Variants in CHDH observed in about 807,000 individuals in gnomAD.
CHDH encodes choline dehydrogenase, also known as choline dehydrogenase, mitochondrial.
CHDH carries 43 observed loss-of-function variants against 56.9 expected under a neutral mutation model. The observed-to-expected ratio is 0.76, with a 90% CI of 0.59 to 0.97. The LOEUF is 0.97. Ranked by LOEUF, CHDH falls within the 50% of genes least tolerant of loss-of-function variation. CHDH has a pLI of 0.00. For synonymous variants in CHDH, 364 were observed against 348.5 expected (o/e 1.04, Z -0.50); for missense variants, 816 against 821.1 (o/e 0.99, Z 0.08).
intron 2 of CHDH, among the ~76,000 whole-genome samples, chr3:53,835,457 T>C (rs984853321): frequency 6.6e-6 from 1 of 152,208 alleles, no homozygotes; most frequent in Non-Finnish European, 1.5e-5. Flanking sequence ...GCCAGGCTGA[T>C]GATGACAGTC....
intron 2 of CHDH, among the ~76,000 whole-genome samples, chr3:53,834,264 T>C (rs1029098605): frequency 5.9e-5 from 9 of 152,120 alleles, no homozygotes; most frequent in African/African-American, 1.9e-4. Context: ...CTGGCCAACA[T>C]GGTGAACCCT....
intron 2 of CHDH, among the ~76,000 whole-genome samples, chr3:53,837,348 C>T (rs1432189367): frequency 6.6e-6 from 1 of 152,246 alleles, no homozygotes; most frequent in Non-Finnish European, 1.5e-5. Context: ...TACCACTTGG[C>T]CCCTTGTGCC....
intron 2 of CHDH, among the ~76,000 whole-genome samples, chr3:53,837,420 G>A (rs916294474): frequency 6.6e-6 from 1 of 152,190 alleles, no homozygotes; most frequent in East Asian, 1.9e-4. Flanking sequence ...GGGCAGATGG[G>A]ACTGGGCTGA....
At chr3:53,826,487 G>A (rs2095639297) in intron 2 of CHDH, among the ~76,000 whole-genome samples, 1 of 152,162 alleles carries the variant, frequency 6.6e-6, no homozygotes, top group Non-Finnish European at 1.5e-5. Flanking sequence ...ATAATCAACA[G>A]GCTGAAAAAG....
chr3:53,846,402 C>G lies in CHDH; in HGVS notation c.-450G>C, dbSNP rs534104933. 2.4e-3 allele frequency: 1,388 copies of G among 567,412 alleles called. 17 individuals carry two copies. The highest frequency in any genetic ancestry group is 0.024 in the African/African-American group (1,205 of 49,696). 35.1% of individuals were successfully genotyped at this position (567,412 alleles called of 1,614,324 possible). A position where few individuals can be genotyped will look rare whatever the true frequency, so the allele number is the denominator to read the frequency against. On this transcript the variant is annotated 5_prime_UTR_variant, in exon 1 of 9. Coordinates refer to ENST00000315251, the MANE Select transcript of CHDH (RefSeq NM_018397.5). ...AGCGCTCGGACACGGCCCATCCCTC[C>G]GAGCCCCAGCAGGCGAGGGCGCTGC...
At chr3:53,833,054 T>C (rs191175799) in intron 2 of CHDH, among the ~76,000 whole-genome samples, 1 of 152,202 alleles carries the variant, frequency 6.6e-6, no homozygotes, top group Admixed American at 6.5e-5. Flanking sequence ...CTGGGGGTTT[T>C]CATTTGCACC....
intron 2 of CHDH, among the ~76,000 whole-genome samples, chr3:53,834,879 G>A (rs1348312437): frequency 4.6e-5 from 7 of 152,156 alleles, no homozygotes; most frequent in Non-Finnish European, 4.4e-5. Flanking sequence ...CACCCAAGAG[G>A]AGAAGACAGA....
intron 1 of CHDH, among the ~76,000 whole-genome samples, chr3:53,845,646 T>C (rs1362703144): frequency 6.6e-6 from 1 of 152,128 alleles, no homozygotes; most frequent in African/African-American, 2.4e-5. Context: ...GCTCGTTAAA[T>C]GCAGATCCCG....
intron 2 of CHDH, among the ~76,000 whole-genome samples, chr3:53,829,051 A>G (rs1698249571): frequency 6.6e-6 from 1 of 152,222 alleles, no homozygotes; most frequent in Non-Finnish European, 1.5e-5. Flanking sequence ...CTGACAATGG[A>G]ATATCATTTA....
At chr3:53,822,105 C>G (rs1262001371) in intron 4 of CHDH, among the ~76,000 whole-genome samples, 1 of 152,120 alleles carries the variant, frequency 6.6e-6, no homozygotes, top group Non-Finnish European at 1.5e-5. Flanking sequence ...AGCTGCAAAA[C>G]AATCAGACCC....
At chr3:53,841,398 C>T (rs1037774182) in intron 1 of CHDH, among the ~76,000 whole-genome samples, 3 of 152,160 alleles carry the variant, frequency 2.0e-5, no homozygotes, top group African/African-American at 4.8e-5. Context: ...TGATTTTCTG[C>T]GCTCATTGGC....
At chr3:53,832,435 G>A (rs1044412051) in intron 2 of CHDH, among the ~76,000 whole-genome samples, 1 of 152,176 alleles carries the variant, frequency 6.6e-6, no homozygotes, top group Non-Finnish European at 1.5e-5. Context: ...GGGAGGCTGA[G>A]GCAGGAGAAT....
Position 53,823,777 on chromosome 3 carries a change from G to A in CHDH, c.232C>T (p.Leu78Phe), listed in dbSNP as rs200569248. 54 of 1,569,788 alleles carry A rather than the reference G, an allele frequency of 3.4e-5. No individual in the cohort carries two copies. In the East Asian group the frequency reaches 7.6e-4, roughly 22 times the overall value. ...LLLEAGPKDV[L>F]AGSKRLSWKI... The stretch of plus-strand genomic sequence containing the variant: ...CACGAGAGCCGCTTGCTCCCCGCGA[G>A]CACGTCCTTGGGCCCGGCCTCCAGC... The change falls in exon 3 of 9, where the codon CTC becomes TTC. Residue 78 changes from leucine (L) to phenylalanine (F), a missense_variant. By Grantham distance (22) the Leu-to-Phe change is conservative. Coordinates refer to ENST00000315251, the MANE Select transcript of CHDH (RefSeq NM_018397.5).
chr3:53,820,561 C>T lies in CHDH; in HGVS notation c.1033G>A (p.Ala345Thr), dbSNP rs762305164. ...TGGAGGGTGATAGGGCGGGTGCATGCCTGCTGAATGTAGATCTCCAGGTGG... is the reference window on the plus strand; with the variant it reads ...TGGAGGGTGATAGGGCGGGTGCATGTCTGCTGAATGTAGATCTCCAGGTGG... ...QDHLEIYIQQ[A>T]CTRPITLHSA... The change falls in exon 6 of 9, where the codon GCA (alanine) becomes ACA (threonine). Residue 345 changes from alanine to threonine, a missense_variant. Physicochemically the swap from Ala to Thr is moderately conservative, Grantham distance 58. Coordinates refer to ENST00000315251, the MANE Select transcript of CHDH (RefSeq NM_018397.5). 41 of 1,613,940 alleles carry T rather than the reference C, an allele frequency of 2.5e-5. No individual in the cohort carries two copies. In the Middle Eastern group the frequency reaches 4.9e-4, roughly 19 times the overall value.
chr3:53,817,820 T>A lies in CHDH; in HGVS notation c.1742A>T (p.Asp581Val). The A allele has an allele frequency of 1.2e-6, 2 of 1,613,588 alleles. No individual in the cohort carries two copies. The highest frequency in any genetic ancestry group is 1.7e-6 in the Non-Finnish European group (2 of 1,179,670). ...IKGQPALWDK[D>V]VPVYKPRTLA... ...CGTCCTGGGCTTGTAGACAGGGACA[T>A]CTTTGTCCCAGAGTGCAGGCTGCCC... The change falls in exon 9 of 9, where the codon GAT becomes GTT. Residue 581 changes from aspartate to valine, a missense_variant. Physicochemically the swap from Asp to Val is radical, Grantham distance 152. Transcript: ENST00000315251.
At chr3:53,842,366 T>C (rs1376448143) in intron 1 of CHDH, among the ~76,000 whole-genome samples, 1 of 152,176 alleles carries the variant, frequency 6.6e-6, no homozygotes, top group African/African-American at 2.4e-5. Context: ...TCCTGTTGCA[T>C]GTGCCCAACA....
intron 2 of CHDH, 94 bp downstream of exon 2, chr3:53,840,835 A>C (rs1366535422): frequency 1.3e-5 from 2 of 152,224 alleles, no homozygotes; most frequent in Non-Finnish European, 2.9e-5. Flanking sequence ...ATTCCCCAGA[A>C]GTTTGGGGTG....
In CHDH at chr3:53,817,964, C is replaced by T. The variant is rs2095618747; in HGVS notation, c.1598G>A (p.Arg533Lys). The T allele has an allele frequency of 6.2e-7, 1 of 1,614,210 alleles. No individual in the cohort carries two copies. The highest frequency in any genetic ancestry group is 1.1e-5 in the South Asian group (1 of 91,090). ...CCTGAGGTTTTCCACCCCGAGGACC[C>T]TTGTCTGCGGATCCACCACGGCAGT... ...DPTAVVDPQT[R>K]VLGVENLRVV... The change falls in exon 9 of 9, where the codon AGG becomes AAG. Residue 533 changes from arginine to lysine, a missense_variant. By Grantham distance (26) the Arg-to-Lys change is conservative (BLOSUM62 2). Transcript: ENST00000315251.
chr3:53,820,366 A>G, intron 6 of CHDH, 108 bp downstream of exon 6: 1 of 1,328,674 alleles, frequency 7.5e-7, no homozygotes, highest in Non-Finnish European at 1.0e-6. Context: ...GGTAAATGGC[A>G]TAGTTCCGCA....
Sources: allele counts gnomAD v4.1 joint callset (sites outside exome capture counted in the v4.1 genomes callset), GRCh38; gene constraint gnomAD v4.1.1; transcripts MANE v1.5; gene names NCBI Gene and HGNC (gene_info 2026-07-23, HGNC 2026-07-21).